URM1: variants seen among roughly 807,000 people sequenced by gnomAD.
URM1 encodes the protein ubiquitin-related modifier 1.
Under a neutral mutation model 17.7 loss-of-function variants are expected in URM1, and 11 were observed. The ratio of observed to expected loss-of-function variants is 0.62; its 90% confidence interval spans 0.39 to 1.03. The LOEUF (loss-of-function observed/expected upper bound fraction) is 1.03. Ranked by LOEUF, URM1 falls within the 50% of genes least tolerant of loss-of-function variation. URM1 has a pLI of 0.00. For synonymous variants in URM1, 48 were observed against 50.6 expected (o/e 0.95, Z 0.22); for missense variants, 128 against 129.2 (o/e 0.99, Z 0.04).
At chr9:128,388,977 G>A (rs1833266332) in intron 3 of URM1, 2 of 1,259,932 alleles carry the variant, frequency 1.6e-6, no homozygotes, top group African/African-American at 1.5e-5. Context: ...ATTTTCAGAT[G>A]AGGAACCTGA....
In URM1 at chr9:128,389,918, A is replaced by G; in HGVS notation, c.*184A>G. ...AAAATGAGCCTTTCTCAAGCACGTG[A>G]GCAGCGGAAGGCAGACAGGCGCCAG... On this transcript the variant is annotated 3_prime_UTR_variant, in exon 5 of 5. Transcript: ENST00000372853. 1 of 761,838 alleles carries G rather than the reference A, an allele frequency of 1.3e-6. No homozygotes were observed. The highest frequency in any genetic ancestry group is 1.9e-5 in the South Asian group (1 of 51,932). The allele number at this position is 761,838 out of a possible 1,614,324, so 47.2% of individuals were successfully genotyped here. A position where few individuals can be genotyped will look rare whatever the true frequency, so the allele number is the denominator to read the frequency against.
At chr9:128,375,220 G>C (rs1833061646) in intron 1 of URM1, among the ~76,000 whole-genome samples, 1 of 152,190 alleles carries the variant, frequency 6.6e-6, no homozygotes, top group South Asian at 2.1e-4. Context: ...GTGAACAGTT[G>C]TTCTTAGTTG....
chr9:128,384,108 G>A (rs1352650469), intron 2 of URM1, among the ~76,000 whole-genome samples: 1 of 152,190 alleles, frequency 6.6e-6, no homozygotes, highest in Non-Finnish European at 1.5e-5. Flanking sequence ...GCTTGTCAGA[G>A]GATGACACTG....
At position 128,390,343 on chromosome 9, in the gene URM1, C is replaced by G. The variant is rs927656264; in HGVS notation, c.*609C>G. 5.2e-5 allele frequency: 8 copies of G among 153,574 alleles called. No homozygotes were observed. Among genetic ancestry groups the G allele is most frequent in the Non-Finnish European group, 1.2e-4 (8 of 69,116 alleles). 9.5% of individuals were successfully genotyped at this position (153,574 alleles called of 1,614,324 possible). A position where few individuals can be genotyped will look rare whatever the true frequency, so the allele number is the denominator to read the frequency against. On this transcript the variant is annotated 3_prime_UTR_variant, in exon 5 of 5. Coordinates refer to ENST00000372853, the MANE Select transcript of URM1 (RefSeq NM_030914.4). ...CCCCTCCTGCTCCCCCCACCCCTAG[C>G]CCTTGACCCTGGCTGGCCTGCCCCG...
chr9:128,389,644 G>A (rs768154723), intron 4 of URM1, 22 bp from the exon 5 acceptor site: 23 of 1,613,028 alleles, frequency 1.4e-5, no homozygotes, highest in African/African-American at 4.0e-5. Context: ...AGGGTCTCCC[G>A]CTCCCCTCTC....
chr9:128,372,802 G>A (rs1459614445), intron 1 of URM1, among the ~76,000 whole-genome samples: 1 of 152,096 alleles, frequency 6.6e-6, no homozygotes, highest in Non-Finnish European at 1.5e-5. Context: ...GGCCAGGCAT[G>A]GAGGCTCATG....
At chr9:128,374,227 C>A (rs1427798556) in intron 1 of URM1, among the ~76,000 whole-genome samples, 1 of 152,210 alleles carries the variant, frequency 6.6e-6, no homozygotes, top group Non-Finnish European at 1.5e-5. Context: ...CAACCCCTCC[C>A]TTGAGGGCCA....
At chr9:128,373,704 C>T (rs1042861301) in intron 1 of URM1, among the ~76,000 whole-genome samples, 6 of 152,122 alleles carry the variant, frequency 3.9e-5, no homozygotes, top group African/African-American at 1.2e-4. Flanking sequence ...GAGTTCTCTC[C>T]GTCCCACCCC....
rs1364974157 is a variant in URM1, at chr9:128,390,929, GCCAGTCTGTGCTGA to G, written c.*1206_*1219del. On this transcript the variant is annotated 3_prime_UTR_variant, in exon 5 of 5. Coordinates refer to ENST00000372853, the MANE Select transcript of URM1 (RefSeq NM_030914.4). ...GCCATCTGGAGAAGGGAGTGGCAGA[GCCAGTCTGTGCTGA>G]CCAGTCTGTGTCCCGGGACGCATCC... 1.3e-5 allele frequency: 2 copies of G among 152,376 alleles called. No homozygotes were observed. Among genetic ancestry groups the G allele is most frequent in the African/African-American group, 4.8e-5 (2 of 41,450 alleles). 9.4% of individuals were successfully genotyped at this position (152,376 alleles called of 1,614,324 possible).
chr9:128,375,297 G>A (rs1833062705), intron 1 of URM1, among the ~76,000 whole-genome samples: 1 of 152,144 alleles, frequency 6.6e-6, no homozygotes, highest in African/African-American at 2.4e-5. Context: ...AGCAGCAGGT[G>A]GCATGGGCAG....
rs1431309886 is a variant in URM1 at position 128,391,039 on chromosome 9, A to G, written c.*1305A>G. ...CCTCAGAACCCAAAATGAGGGTAGC[A>G]TAGATAAGACTGCTGAGCCCCCTTT... On this transcript the variant is annotated 3_prime_UTR_variant, in exon 5 of 5. Coordinates refer to ENST00000372853, the MANE Select transcript of URM1 (RefSeq NM_030914.4). 3 of 152,306 alleles carry G rather than the reference A, an allele frequency of 2.0e-5. No individual in the cohort carries two copies. The highest frequency in any genetic ancestry group is 4.4e-5 in the Non-Finnish European group (3 of 68,096). 9.4% of individuals were successfully genotyped at this position (152,306 alleles called of 1,614,324 possible).
chr9:128,384,923 C>A (rs534208170), intron 2 of URM1, among the ~76,000 whole-genome samples: 1 of 152,168 alleles, frequency 6.6e-6, no homozygotes, highest in Admixed American at 6.5e-5. Context: ...CCCTACCTCC[C>A]CAGTTGTCCA....
At chr9:128,379,707 C>G (rs189743551) in intron 2 of URM1, among the ~76,000 whole-genome samples, 1 of 149,474 alleles carries the variant, frequency 6.7e-6, no homozygotes, top group Admixed American at 6.7e-5. Context: ...GGCTGAGGCA[C>G]GAGAATTGCT....
intron 2 of URM1, among the ~76,000 whole-genome samples, chr9:128,384,686 T>A (rs1238585729): frequency 6.6e-6 from 1 of 152,122 alleles, no homozygotes; most frequent in Non-Finnish European, 1.5e-5. Flanking sequence ...ATTACAGCAT[T>A]GATATGCAGG....
intron 2 of URM1, among the ~76,000 whole-genome samples, chr9:128,380,629 T>C (rs1371421151): frequency 3.3e-5 from 5 of 152,018 alleles, no homozygotes; most frequent in South Asian, 2.1e-4. Context: ...TTTTCTTTTT[T>C]TTTTCTTTTC....
At chr9:128,381,911 T>A (rs2131295807) in intron 2 of URM1, among the ~76,000 whole-genome samples, 1 of 152,342 alleles carries the variant, frequency 6.6e-6, no homozygotes, top group East Asian at 1.9e-4. Context: ...TTTTACGCTT[T>A]CCTTCATTTA....
At chr9:128,384,786 A>G (rs867750961) in intron 2 of URM1, among the ~76,000 whole-genome samples, 3 of 152,158 alleles carry the variant, frequency 2.0e-5, no homozygotes, top group African/African-American at 7.2e-5. Context: ...TTTTACAAAA[A>G]AAGGAAGCCG....
In URM1 at chr9:128,391,759, T is replaced by C. The variant is rs537956542; in HGVS notation, c.*2025T>C. The C allele has an allele frequency of 3.3e-5, 5 of 152,300 alleles. 1 individual carries two copies. The highest frequency in any genetic ancestry group is 1.2e-4 in the African/African-American group (5 of 41,562). The allele number at this position is 152,300 out of a possible 1,614,324, so 9.4% of individuals were successfully genotyped here. On this transcript the variant is annotated 3_prime_UTR_variant, in exon 5 of 5. Coordinates refer to ENST00000372853, the MANE Select transcript of URM1 (RefSeq NM_030914.4). Reference sequence around the variant, plus strand: ...CCTTCTCCCAGCACACCCCAATTAATACTGAAGAGTAGGGCAGGAGGAGGT... The same window carrying C: ...CCTTCTCCCAGCACACCCCAATTAACACTGAAGAGTAGGGCAGGAGGAGGT...
chr9:128,376,673 T>C (rs988777397), intron 1 of URM1, among the ~76,000 whole-genome samples: 2 of 145,492 alleles, frequency 1.4e-5, no homozygotes, highest in Non-Finnish European at 3.0e-5. Context: ...TAAATAAATT[T>C]TTTTAAAAAG....
Sources: gnomAD v4.1 joint callset for allele counts (sites outside exome capture counted in the v4.1 genomes callset) on GRCh38, gnomAD v4.1.1 for gene constraint, MANE v1.5 for transcripts, NCBI Gene and HGNC (gene_info 2026-07-23, HGNC 2026-07-21) for gene names.